The following PPM1B variants were observed in gnomAD, a reference collection of about 807,000 sequenced individuals.
The protein encoded by PPM1B is protein phosphatase 1B.
Under a neutral mutation model 43.0 loss-of-function variants are expected in PPM1B, and 22 were observed. The observed-to-expected ratio is 0.51, with a 90% CI of 0.37 to 0.73. The LOEUF (loss-of-function observed/expected upper bound fraction) is 0.73, where lower values mean the gene tolerates loss of function less well. PPM1B is among the 30% of genes least tolerant of loss of function. The pLI is 0.00. For synonymous variants in PPM1B, 217 were observed against 197.9 expected (o/e 1.10, Z -0.81); for missense variants, 632 against 584.2 (o/e 1.08, Z -0.84).
chr2:44,190,494 C>T (rs1668359792), intron 1 of PPM1B, among the ~76,000 whole-genome samples: 1 of 152,116 alleles, frequency 6.6e-6, no homozygotes, highest in Admixed American at 6.6e-5. Context: ...TTGAAACTTA[C>T]TCTCATGTCT....
chr2:44,198,642 C>G (rs1668775626), intron 1 of PPM1B, among the ~76,000 whole-genome samples: 1 of 152,146 alleles, frequency 6.6e-6, no homozygotes, highest in African/African-American at 2.4e-5. Context: ...AAAAGCGTAA[C>G]ATAATGTGCC....
At chr2:44,242,077 C>T (rs1291430608) in intron 5 of PPM1B, among the ~76,000 whole-genome samples, 3 of 151,876 alleles carry the variant, frequency 2.0e-5, no homozygotes, top group African/African-American at 7.3e-5. Context: ...CCAAGATGGT[C>T]TCGATCTCCT....
At chr2:44,176,651 C>T (rs1040624008) in intron 1 of PPM1B, among the ~76,000 whole-genome samples, 2 of 152,198 alleles carry the variant, frequency 1.3e-5, no homozygotes, top group Non-Finnish European at 2.9e-5. Context: ...AAAGAGGCCT[C>T]TTCTTCAGTT....
intron 2 of PPM1B, among the ~76,000 whole-genome samples, chr2:44,206,841 C>A (rs981436183): frequency 1.3e-5 from 2 of 152,158 alleles, no homozygotes; most frequent in Admixed American, 1.3e-4. Context: ...GGATTACAGG[C>A]AGCCACCATG....
intron 5 of PPM1B, among the ~76,000 whole-genome samples, chr2:44,222,614 CAT>C (rs1207175038): frequency 2.0e-5 from 3 of 152,294 alleles, no homozygotes; most frequent in East Asian, 3.9e-4. Flanking sequence ...TTCTTTTACA[CAT>C]GAGACTTACA....
intron 3 of PPM1B, among the ~76,000 whole-genome samples, chr2:44,217,157 T>G (rs913503211): frequency 6.6e-6 from 1 of 152,060 alleles, no homozygotes; most frequent in Non-Finnish European, 1.5e-5. Context: ...CCCAGCACTT[T>G]GGGAGGCCGA....
Position 44,240,545 on chromosome 2 carries a change from C to CT in PPM1B, n.1547-3677dup, listed in dbSNP as rs1226697708. On this transcript the variant is annotated intron_variant and non_coding_transcript_variant, in intron 5 of 5. Coordinates refer to the PPM1B transcript ENST00000378540. Reference sequence around the variant, plus strand: ...GTTCGTCATTTTGCATTAGTTTTGACTTTTTTAATGTTGCATTAAAATATC... The same window carrying CT: ...GTTCGTCATTTTGCATTAGTTTTGACTTTTTTTAATGTTGCATTAAAATATC... 4.2e-5 allele frequency among the ~76,000 whole-genome samples: 6 copies of CT among 142,652 alleles called. 1 individual carries two copies. Among genetic ancestry groups the CT allele is most frequent in the Non-Finnish European group, 9.3e-5 (6 of 64,416 alleles). The allele number at this position is 142,652 out of a possible 152,430, so 93.6% of individuals were successfully genotyped here. A position where few individuals can be genotyped will look rare whatever the true frequency, so the allele number is the denominator to read the frequency against.
rs1668495099 is a variant in PPM1B, at chr2:44,193,301, T to C, written c.-14-7885T>C. Among the ~76,000 whole-genome samples, 6 of 152,358 alleles carry C rather than the reference T, an allele frequency of 3.9e-5. No homozygotes were observed. In the South Asian group the frequency reaches 1.2e-3, roughly 32 times the overall value. On this transcript the variant is annotated intron_variant, in intron 1 of 5. Coordinates refer to ENST00000282412, the MANE Select transcript of PPM1B (RefSeq NM_002706.6). Reference sequence around the variant, plus strand: ...ATTGTGCCTTTAATTTGCATTTCCCTGATGATTAGTGAGGTTGAGCATTTT... The same window carrying C: ...ATTGTGCCTTTAATTTGCATTTCCCCGATGATTAGTGAGGTTGAGCATTTT...
chr2:44,233,666 G>C (rs1211362249), downstream of PPM1B: 3 of 985,646 alleles, frequency 3.0e-6, no homozygotes, highest in African/African-American at 5.2e-5. Flanking sequence ...TTGTGAAATG[G>C]AATTCATGGT....
chr2:44,178,762 GCCC>G (rs2104011150), intron 1 of PPM1B, among the ~76,000 whole-genome samples: 1 of 152,156 alleles, frequency 6.6e-6, no homozygotes, highest in South Asian at 2.1e-4. Context: ...GAGCCACCAT[GCCC>G]AGCCAAAAGT....
At chr2:44,229,897 AAGT>A in intron 5 of PPM1B, 2 of 1,164,008 alleles carry the variant, frequency 1.7e-6, no homozygotes, top group Non-Finnish European at 2.4e-6. Context: ...TAAGAGCAAA[AAGT>A]AAATACAATT....
Position 44,209,285 on chromosome 2 carries a change from A to C in PPM1B, c.922A>C (p.Lys308Gln), listed in dbSNP as rs1669340532. 16 of 1,614,028 alleles carry C rather than the reference A, an allele frequency of 9.9e-6. No individual in the cohort carries two copies. In the East Asian group the frequency reaches 3.6e-4, roughly 36 times the overall value. ...APKVSDEAVK[K>Q]DSELDKHLES... is the part of the protein sequence containing the mutation. Reference sequence around the variant, plus strand: ...CAAGGTCTCAGATGAAGCGGTGAAAAAAGATTCAGAGTTGGATAAGCACTT... The same window carrying C: ...CAAGGTCTCAGATGAAGCGGTGAAACAAGATTCAGAGTTGGATAAGCACTT... The change falls in exon 3 of 6, where the codon AAA becomes CAA. Residue 308 changes from lysine to glutamine, a missense_variant. By Grantham distance (53) the Lys-to-Gln change is moderately conservative. Transcript: ENST00000282412.
exon 6 of PPM1B, chr2:44,244,275 T>C (rs1670810567): frequency 1.5e-6 from 2 of 1,360,686 alleles, no homozygotes; most frequent in African/African-American, 3.0e-5. Context: ...AGAGCTCTGG[T>C]GACAAGAAAG....
At chr2:44,214,465 G>A (rs921433839) in intron 3 of PPM1B, among the ~76,000 whole-genome samples, 1 of 151,674 alleles carries the variant, frequency 6.6e-6, no homozygotes, top group Non-Finnish European at 1.5e-5. Context: ...TTCGGGGGTG[G>A]GGGGGGCATG....
At chr2:44,236,402 CAAAAA>C (rs61414038), downstream of PPM1B, among the ~76,000 whole-genome samples, 256 of 47,526 alleles carry the variant, frequency 5.4e-3, 4 homozygotes, top group African/African-American at 0.017. Flanking sequence ...GACTCCGTCT[CAAAAA>C]AAAAAAAAAA....
chr2:44,235,785 G>C (rs900321674), downstream of PPM1B, among the ~76,000 whole-genome samples: 1 of 151,946 alleles, frequency 6.6e-6, no homozygotes, highest in African/African-American at 2.4e-5. Context: ...TATAGTCCCA[G>C]CTAGTTGGGA....
intron 1 of PPM1B, among the ~76,000 whole-genome samples, chr2:44,178,814 A>G (rs1667720383): frequency 6.6e-6 from 1 of 152,182 alleles, no homozygotes; most frequent in African/African-American, 2.4e-5. Flanking sequence ...ATATAAATGT[A>G]AGGTAATTTA....
chr2:44,235,708 C>T (rs1225447203), downstream of PPM1B, among the ~76,000 whole-genome samples: 5 of 150,634 alleles, frequency 3.3e-5, no homozygotes, highest in Non-Finnish European at 7.4e-5. Context: ...CCCGCCTGGA[C>T]AACATAGCAA....
intron 1 of PPM1B, among the ~76,000 whole-genome samples, chr2:44,170,790 G>T (rs999392722): frequency 6.6e-6 from 1 of 152,168 alleles, no homozygotes; most frequent in African/African-American, 2.4e-5. Flanking sequence ...TGAAGTAATG[G>T]TAATTTTTTA....
Sources: gnomAD v4.1 joint callset for allele counts (sites outside exome capture counted in the v4.1 genomes callset) on GRCh38, gnomAD v4.1.1 for gene constraint, MANE v1.5 for transcripts, NCBI Gene and HGNC (gene_info 2026-07-23, HGNC 2026-07-21) for gene names.